The following LDLRAD4 variants were observed in gnomAD, a reference collection of about 807,000 sequenced individuals.
The protein encoded by LDLRAD4 is low density lipoprotein receptor class A domain containing 4, also known as low-density lipoprotein receptor class A domain-containing protein 4.
Under a neutral mutation model 17.0 loss-of-function variants are expected in LDLRAD4, and 5 were observed. The observed-to-expected ratio is 0.29, with a 90% CI of 0.15 to 0.62. LDLRAD4 has a LOEUF of 0.62. LDLRAD4 is among the 20% of genes least tolerant of loss of function. LDLRAD4 has a pLI of 0.84. For synonymous variants in LDLRAD4, 168 were observed against 171.8 expected, an observed-to-expected ratio of 0.98 and a Z score of 0.17; for missense variants, 340 against 424.7, an observed-to-expected ratio of 0.80 and a Z score of 1.75.
At chr18:13,383,965 A>G (rs1479369374) in intron 1 of LDLRAD4, among the ~76,000 whole-genome samples, 2 of 152,206 alleles carry the variant, frequency 1.3e-5, no homozygotes, top group Non-Finnish European at 2.9e-5. Context: ...GGGGAGACTC[A>G]GAGTGTATAT....
intron 1 of LDLRAD4, among the ~76,000 whole-genome samples, chr18:13,339,384 G>C (rs528220544): frequency 2.6e-5 from 4 of 152,108 alleles, no homozygotes. Flanking sequence ...TGTATTTTTA[G>C]TAGAGACAGG....
intron 3 of LDLRAD4, among the ~76,000 whole-genome samples, chr18:13,589,736 G>A (rs1247009488): frequency 2.6e-5 from 4 of 152,216 alleles, no homozygotes; most frequent in East Asian, 3.8e-4. Context: ...AGAAAGGAAA[G>A]TCTAAAGGAG....
intron 1 of LDLRAD4, among the ~76,000 whole-genome samples, chr18:13,222,163 C>T (rs2145334368): frequency 6.6e-6 from 1 of 152,282 alleles, no homozygotes; most frequent in South Asian, 2.1e-4. Flanking sequence ...GTACCCCCTT[C>T]TCAACCGTCT....
intron 3 of LDLRAD4, among the ~76,000 whole-genome samples, chr18:13,592,431 C>T (rs1449361972): frequency 6.6e-6 from 1 of 152,222 alleles, no homozygotes; most frequent in Non-Finnish European, 1.5e-5. Context: ...TTAGAAAATA[C>T]TGTCCAACTT....
chr18:13,293,241 G>T (rs2046070783), intron 1 of LDLRAD4, among the ~76,000 whole-genome samples: 1 of 152,168 alleles, frequency 6.6e-6, no homozygotes, highest in East Asian at 1.9e-4. Context: ...ATTTAGTCCT[G>T]GGTGGGGTAA....
intron 1 of LDLRAD4, among the ~76,000 whole-genome samples, chr18:13,343,582 C>G (rs1425962700): frequency 6.6e-6 from 1 of 152,122 alleles, no homozygotes; most frequent in African/African-American, 2.4e-5. Context: ...ATTTATAATC[C>G]TTTGGGTATA....
chr18:13,234,114 T>C (rs1436482499), intron 1 of LDLRAD4, among the ~76,000 whole-genome samples: 2 of 152,246 alleles, frequency 1.3e-5, no homozygotes, highest in Non-Finnish European at 2.9e-5. Context: ...CCTCTCTCCC[T>C]GGGTTTCTGC....
chr18:13,532,837 C>T (rs1446550279), intron 3 of LDLRAD4, among the ~76,000 whole-genome samples: 3 of 152,172 alleles, frequency 2.0e-5, no homozygotes, highest in Non-Finnish European at 4.4e-5. Flanking sequence ...TGATGGCATG[C>T]CTGGCCCTGC....
At chr18:13,623,071 A>C (rs1014095596) in intron 4 of LDLRAD4, among the ~76,000 whole-genome samples, 4 of 152,052 alleles carry the variant, frequency 2.6e-5, no homozygotes, top group African/African-American at 9.7e-5. Context: ...TGTTCATAGC[A>C]CCTTGTGTCC....
intron 1 of LDLRAD4, among the ~76,000 whole-genome samples, chr18:13,379,606 C>A (rs2085188582): frequency 6.6e-6 from 1 of 152,176 alleles, no homozygotes; most frequent in African/African-American, 2.4e-5. Context: ...GAGTAATGAC[C>A]CCACAAATAG....
chr18:13,646,968 G>A (rs2043037701), exon 6 of LDLRAD4: 1 of 152,164 alleles, frequency 6.6e-6, no homozygotes, highest in African/African-American at 2.4e-5. Flanking sequence ...CCATGTTGCT[G>A]ATCGTGGTAA....
chr18:13,382,977 A>C (rs2085500469), intron 1 of LDLRAD4, among the ~76,000 whole-genome samples: 1 of 152,248 alleles, frequency 6.6e-6, no homozygotes, highest in African/African-American at 2.4e-5. Context: ...TTTGCTGGAT[A>C]GGACTTTGTG....
At chr18:13,540,393 A>G (rs930794809) in intron 3 of LDLRAD4, among the ~76,000 whole-genome samples, 1 of 152,246 alleles carries the variant, frequency 6.6e-6, no homozygotes, top group Non-Finnish European at 1.5e-5. Context: ...AAGCCAAGGA[A>G]ACAGGAAATG....
At chr18:13,648,653 AT>A (rs2043109875) in exon 6 of LDLRAD4, 1 of 152,188 alleles carries the variant, frequency 6.6e-6, no homozygotes, top group Admixed American at 6.5e-5. Context: ...TATAGAACCC[AT>A]GGGTCCAGTT....
chr18:13,418,487 T>G (rs1473930115), intron 2 of LDLRAD4, among the ~76,000 whole-genome samples: 1 of 152,248 alleles, frequency 6.6e-6, no homozygotes, highest in Non-Finnish European at 1.5e-5. Context: ...AGACTCTGGT[T>G]GTGTTTTCTG....
At chr18:13,378,982 T>C (rs2145039334) in intron 1 of LDLRAD4, among the ~76,000 whole-genome samples, 1 of 152,308 alleles carries the variant, frequency 6.6e-6, no homozygotes, top group Non-Finnish European at 1.5e-5. Flanking sequence ...GTTGTAGTAA[T>C]TTGGGAGGGG....
chr18:13,375,164 G>A (rs1046220471), intron 1 of LDLRAD4, among the ~76,000 whole-genome samples: 4 of 152,142 alleles, frequency 2.6e-5, no homozygotes, highest in African/African-American at 9.7e-5. Flanking sequence ...CTTTGCCCAA[G>A]TTTACCTCTA....
At chr18:13,248,620 A>C (rs2043083363) in intron 1 of LDLRAD4, among the ~76,000 whole-genome samples, 1 of 152,252 alleles carries the variant, frequency 6.6e-6, no homozygotes, top group Non-Finnish European at 1.5e-5. Flanking sequence ...ACATTTTTGA[A>C]GTATTTTATT....
intron 3 of LDLRAD4, among the ~76,000 whole-genome samples, chr18:13,456,819 T>G (rs12967917): frequency 0.077 from 11,769 of 152,248 alleles, 775 homozygotes; most frequent in African/African-American, 0.18. Flanking sequence ...CAGTAAATCA[T>G]AGGTCAGCAG....
Sources: allele counts gnomAD v4.1 joint callset (sites outside exome capture counted in the v4.1 genomes callset), GRCh38; gene constraint gnomAD v4.1.1; transcripts MANE v1.5; gene names NCBI Gene and HGNC (gene_info 2026-07-23, HGNC 2026-07-21).